The following STAG1 variants were observed in gnomAD, a reference collection of about 807,000 sequenced individuals.
The protein encoded by STAG1 is cohesin subunit SA-1.
Under a neutral mutation model 170.9 loss-of-function variants are expected in STAG1, and 26 were observed. That is an observed-to-expected ratio of 0.15 (90% CI 0.11 to 0.21). The LOEUF is 0.21. Among genes scored for constraint, STAG1 ranks in the 10% least tolerant of loss-of-function variants. The pLI is 1.00. For synonymous variants in STAG1, 514 were observed against 497.7 expected (o/e 1.03, Z -0.44); for missense variants, 964 against 1,509.5 (o/e 0.64, Z 5.99).
intron 14 of STAG1, among the ~76,000 whole-genome samples, chr3:136,450,816 C>T (rs1009215850): frequency 6.6e-6 from 1 of 152,122 alleles, no homozygotes; most frequent in Admixed American, 6.6e-5. Flanking sequence ...ACAATCTCGG[C>T]TCACTGCATG....
At chr3:136,467,893 C>T (rs967459378) in intron 12 of STAG1, among the ~76,000 whole-genome samples, 1 of 152,178 alleles carries the variant, frequency 6.6e-6, no homozygotes, top group African/African-American at 2.4e-5. Flanking sequence ...ACTAAACAAC[C>T]TGCTCCTGAA....
intron 14 of STAG1, among the ~76,000 whole-genome samples, chr3:136,451,644 T>C (rs1002623108): frequency 6.6e-6 from 1 of 151,896 alleles, no homozygotes; most frequent in Non-Finnish European, 1.5e-5. Flanking sequence ...GCACCTGTAG[T>C]CCCAGCTACT....
At chr3:136,553,387 T>C (rs7621017) in intron 5 of STAG1, among the ~76,000 whole-genome samples, 57,233 of 152,072 alleles carry the variant, frequency 0.38, 11,951 homozygotes, top group African/African-American at 0.56. Context: ...AATTTTAGAA[T>C]GAATGAAAAA....
At chr3:136,733,248 C>T (rs1260565686) in intron 1 of STAG1, among the ~76,000 whole-genome samples, 1 of 151,942 alleles carries the variant, frequency 6.6e-6, no homozygotes, top group Non-Finnish European at 1.5e-5. Flanking sequence ...CCATGCCTGG[C>T]TAATTTTTGT....
At chr3:136,617,417 A>G (rs1444854619) in intron 3 of STAG1, among the ~76,000 whole-genome samples, 1 of 152,212 alleles carries the variant, frequency 6.6e-6, no homozygotes, top group Non-Finnish European at 1.5e-5. Context: ...CATATATTTT[A>G]TATCCAGGCC....
chr3:136,432,878 G>A (rs1465323834), intron 16 of STAG1, among the ~76,000 whole-genome samples: 1 of 152,190 alleles, frequency 6.6e-6, no homozygotes, highest in Non-Finnish European at 1.5e-5. Flanking sequence ...TATCGACCAA[G>A]CATGTGGGTA....
chr3:136,537,227 CTTCTAT>C (rs1935675875), intron 6 of STAG1, among the ~76,000 whole-genome samples: 2 of 152,058 alleles, frequency 1.3e-5, no homozygotes, highest in African/African-American at 4.8e-5. Context: ...AATATTAGAA[CTTCTAT>C]TTCTATTTAT....
chr3:136,672,102 C>A (rs1227039822), intron 1 of STAG1, among the ~76,000 whole-genome samples: 1 of 152,178 alleles, frequency 6.6e-6, no homozygotes, highest in Non-Finnish European at 1.5e-5. Context: ...TCCTTGGTTA[C>A]TGTTTACCAA....
intron 19 of STAG1, 85 bp from the exon 20 acceptor site, chr3:136,421,248 TA>T (rs1375204149): frequency 9.5e-6 from 7 of 737,312 alleles, no homozygotes; most frequent in African/African-American, 1.8e-5. Flanking sequence ...AAAATTCTTC[TA>T]AATTATATTA....
At chr3:136,452,429 T>C (rs1004667164) in intron 13 of STAG1, among the ~76,000 whole-genome samples, 2 of 151,692 alleles carry the variant, frequency 1.3e-5, no homozygotes, top group Non-Finnish European at 2.9e-5. Context: ...CCGGGCATGG[T>C]GGCGGGCACC....
chr3:136,495,240 T>C (rs566236353), intron 9 of STAG1, among the ~76,000 whole-genome samples: 4 of 152,154 alleles, frequency 2.6e-5, no homozygotes, highest in Non-Finnish European at 4.4e-5. Flanking sequence ...AAAATTTGTA[T>C]GCAAAAAGTA....
chr3:136,340,217 C>T (rs1185657757), intron 32 of STAG1, among the ~76,000 whole-genome samples: 5 of 152,090 alleles, frequency 3.3e-5, no homozygotes, highest in South Asian at 4.1e-4. Flanking sequence ...TGCAATGGCA[C>T]GATCTTGGCT....
chr3:136,679,202 A>C (rs1343188804), intron 1 of STAG1, among the ~76,000 whole-genome samples: 1 of 152,186 alleles, frequency 6.6e-6, no homozygotes, highest in African/African-American at 2.4e-5. Flanking sequence ...TGTGGAAAGC[A>C]ATTTGGCAAC....
chr3:136,585,289 A>C (rs1043320260), intron 4 of STAG1, among the ~76,000 whole-genome samples: 1 of 152,144 alleles, frequency 6.6e-6, no homozygotes, highest in Admixed American at 6.5e-5. Context: ...TAAAATTACA[A>C]AAATTAGCCA....
At chr3:136,579,143 G>A (rs749771972) in intron 4 of STAG1, among the ~76,000 whole-genome samples, 2 of 152,160 alleles carry the variant, frequency 1.3e-5, no homozygotes, top group Non-Finnish European at 2.9e-5. Context: ...TAACTAGGTG[G>A]TTACATTAAC....
At chr3:136,494,203 T>C (rs374020489) in intron 9 of STAG1, among the ~76,000 whole-genome samples, 1 of 152,112 alleles carries the variant, frequency 6.6e-6, no homozygotes, top group Admixed American at 6.5e-5. Flanking sequence ...CCCAGGACAT[T>C]GAGGTTCTAC....
At chr3:136,446,041 T>A (rs559433820) in intron 14 of STAG1, among the ~76,000 whole-genome samples, 1 of 152,318 alleles carries the variant, frequency 6.6e-6, no homozygotes, top group South Asian at 2.1e-4. Context: ...TGTGCTCTAT[T>A]TGTGATGTTT....
chr3:136,367,099 A>T lies in STAG1; in HGVS notation c.2546-17T>A. On this transcript the variant is annotated splice_polypyrimidine_tract_variant and intron_variant, in intron 24 of 33. Transcript: ENST00000383202. ...CATCACCCTCTAAACACAGATTACA[A>T]ATTGGTTATGAATTCTGGTACTTTA... is the stretch of plus-strand genomic sequence containing the variant. The T allele has an allele frequency of 1.3e-6, 2 of 1,580,480 alleles. No homozygotes were observed. Among genetic ancestry groups the T allele is most frequent in the Non-Finnish European group, 1.7e-6 (2 of 1,158,102 alleles).
At chr3:136,519,776 G>C (rs1182812680) in intron 7 of STAG1, among the ~76,000 whole-genome samples, 4 of 151,890 alleles carry the variant, frequency 2.6e-5, no homozygotes, top group African/African-American at 9.7e-5. Context: ...AAGATAAACA[G>C]GGTAAAAAAT....
Sources: gnomAD v4.1 joint callset for allele counts (sites outside exome capture counted in the v4.1 genomes callset) on GRCh38, gnomAD v4.1.1 for gene constraint, MANE v1.5 for transcripts, NCBI Gene and HGNC (gene_info 2026-07-23, HGNC 2026-07-21) for gene names.